Variants in GTF2F1 observed in about 807,000 individuals in gnomAD.
The protein encoded by GTF2F1 is general transcription factor IIF subunit 1.
A neutral mutation model predicts 63.5 loss-of-function variants in GTF2F1; 39 were observed. The observed-to-expected ratio is 0.61, with a 90% CI of 0.48 to 0.80. The LOEUF (loss-of-function observed/expected upper bound fraction) is 0.80, where lower values mean the gene tolerates loss of function less well. GTF2F1 is among the 30% of genes least tolerant of loss of function. The pLI, the probability that GTF2F1 is intolerant of heterozygous loss-of-function variation, is 0.00. For synonymous variants in GTF2F1, 287 were observed against 285.3 expected, an observed-to-expected ratio of 1.01 and a Z score of -0.06; for missense variants, 657 against 718.3, an observed-to-expected ratio of 0.91 and a Z score of 0.97.
intron 6 of GTF2F1, among the ~76,000 whole-genome samples, chr19:6,382,069 C>A (rs2091954528): frequency 6.6e-6 from 1 of 152,098 alleles, no homozygotes; most frequent in African/African-American, 2.4e-5. Flanking sequence ...ACAGACCACT[C>A]CCCCTCTCCC....
At position 6,381,585 on chromosome 19, in the gene GTF2F1, G is replaced by A. The variant is rs2091951755; in HGVS notation, c.867C>T (p.Ala289=). The stretch of plus-strand genomic sequence containing the variant: ...GCCCCTCCTCCTGCTGCGGCGCCTT[G>A]GCCTTGCTCTCAGGCTCTTCTTGGG... ...SSSQEEPESK[A]KAPQQEEGPK... is the part of the protein sequence containing the mutation. The change falls in exon 8 of 13, where the codon GCC becomes GCT. Residue 289 remains alanine (A), a synonymous_variant. Coordinates refer to ENST00000394456, the MANE Select transcript of GTF2F1 (RefSeq NM_002096.3). This position sits in a 1 kb window ranked among gnomAD's most constrained non-coding sequence, Gnocchi z 4.1. 6.2e-7 allele frequency: 1 copy of A among 1,613,574 alleles called. No individual in the cohort carries two copies. Among genetic ancestry groups the A allele is most frequent in the African/African-American group, 1.3e-5 (1 of 74,928 alleles).
At position 6,383,607 on chromosome 19, in the gene GTF2F1, C is replaced by T; in HGVS notation, c.498-112G>A. 8.8e-7 allele frequency: 1 copy of T among 1,141,268 alleles called. No individual in the cohort carries two copies. The highest frequency in any genetic ancestry group is 1.4e-5 in the South Asian group (1 of 71,356). 70.7% of individuals were successfully genotyped at this position (1,141,268 alleles called of 1,614,324 possible). A position where few individuals can be genotyped will look rare whatever the true frequency, so the allele number is the denominator to read the frequency against. On this transcript the variant is annotated intron_variant, in intron 5 of 12. Coordinates refer to ENST00000394456, the MANE Select transcript of GTF2F1 (RefSeq NM_002096.3). This position sits in a 1 kb window ranked among gnomAD's most constrained non-coding sequence, Gnocchi z 4.5. ...CACATAGCCTTCAAGGTGATGTGGC[C>T]CCCGGGGACTTGGGCTGTGGCACAG...
In GTF2F1 at chr19:6,387,540, CCTT is replaced by C; in HGVS notation, c.343_345del (p.Lys115del). ...TAGGACGTGTTCTCTGTTACGCCTC[CCTT>C]CTTGATGCCCTTGAACCTGCAGGGA... On this transcript the variant is annotated inframe_deletion, in exon 5 of 13. Transcript: ENST00000394456. The C allele has an allele frequency of 6.2e-7, 1 of 1,614,194 alleles. No individual in the cohort carries two copies. Among genetic ancestry groups the C allele is most frequent in the Non-Finnish European group, 8.5e-7 (1 of 1,180,016 alleles).
At position 6,383,823 on chromosome 19, in the gene GTF2F1, G is replaced by A. The variant is rs1249035612; in HGVS notation, c.498-328C>T. On this transcript the variant is annotated intron_variant, in intron 5 of 12. Coordinates refer to ENST00000394456, the MANE Select transcript of GTF2F1 (RefSeq NM_002096.3). The surrounding 1 kb of genome is among the most constrained non-coding windows in gnomAD (Gnocchi z 4.5). Reference sequence around the variant, plus strand: ...TTATTTTTTTATTTTCTGAGACAGAGTATCGCTCTGTCGCCCAGACTGGAG... The same window carrying A: ...TTATTTTTTTATTTTCTGAGACAGAATATCGCTCTGTCGCCCAGACTGGAG... 6.6e-6 allele frequency among the ~76,000 whole-genome samples: 1 copy of A among 152,258 alleles called. No homozygotes were observed. Among genetic ancestry groups the A allele is most frequent in the Middle Eastern group, 3.4e-3 (1 of 294 alleles).
rs113448760 is a variant in GTF2F1 at position 6,385,823 on chromosome 19, C to A, written c.497+1566G>T. 4.4e-3 allele frequency among the ~76,000 whole-genome samples: 672 copies of A among 152,280 alleles called. 4 individuals carry two copies. The highest frequency in any genetic ancestry group is 0.015 in the African/African-American group (634 of 41,554). On this transcript the variant is annotated intron_variant, in intron 5 of 12. Coordinates refer to ENST00000394456, the MANE Select transcript of GTF2F1 (RefSeq NM_002096.3). Reference sequence around the variant, plus strand: ...AGCAGGGGCTGGGCATGGTGGCTCACGCCTGTAATCCCAGCACTTTGGGAG... The same window carrying A: ...AGCAGGGGCTGGGCATGGTGGCTCAAGCCTGTAATCCCAGCACTTTGGGAG...
intron 5 of GTF2F1, among the ~76,000 whole-genome samples, chr19:6,385,655 A>G (rs2091971373): frequency 6.6e-6 from 1 of 152,094 alleles, no homozygotes; most frequent in Non-Finnish European, 1.5e-5. Flanking sequence ...AGGGGTACAG[A>G]AACTGCCCCA....
At position 6,387,608 on chromosome 19, in the gene GTF2F1, C is replaced by A. The variant is rs113534430; in HGVS notation, c.327-49G>T. Reference sequence around the variant, plus strand: ...CTGGCCCATAGGGACCAGCCCCAGCCCCCCCGTGTCCCCCCGGGGCCTGCC... The same window carrying A: ...CTGGCCCATAGGGACCAGCCCCAGCACCCCCGTGTCCCCCCGGGGCCTGCC... On this transcript the variant is annotated intron_variant, in intron 4 of 12. Coordinates refer to ENST00000394456, the MANE Select transcript of GTF2F1 (RefSeq NM_002096.3). 111 of 1,299,764 alleles carry A rather than the reference C, an allele frequency of 8.5e-5. 6 individuals are homozygous for A. The highest frequency in any genetic ancestry group is 1.8e-4 in the Middle Eastern group (1 of 5,564). The allele number at this position is 1,299,764 out of a possible 1,614,324, so 80.5% of individuals were successfully genotyped here.
At chr19:6,389,696 C>A (rs764497704) in intron 3 of GTF2F1, 59 bp from the exon 4 acceptor site, 24 of 1,488,190 alleles carry the variant, frequency 1.6e-5, no homozygotes, top group East Asian at 2.3e-5. Flanking sequence ...GCAGTGCCCC[C>A]CTCCAGGAAC....
rs758737041 is a variant in GTF2F1, at chr19:6,383,365, G to A, written c.628C>T (p.Leu210=). The A allele has an allele frequency of 6.2e-7, 1 of 1,614,206 alleles. No individual in the cohort carries two copies. The highest frequency in any genetic ancestry group is 1.7e-5 in the Admixed American group (1 of 60,032). The change falls in exon 6 of 13, where the codon CTG becomes TTG. Residue 210 remains leucine (L), a synonymous_variant. Transcript: ENST00000394456. The surrounding 1 kb of genome is among the most constrained non-coding windows in gnomAD (Gnocchi z 4.5). The part of the protein sequence containing the change: ...RKASELRIHD[L]EDDLEMSSDA... ...GACGACATCTCCAGGTCGTCCTCCA[G>A]GTCGTGGATGCGCAGCTCGCTCGCC...
At chr19:6,392,306 C>G (rs1399043555) in intron 2 of GTF2F1, 5 of 487,310 alleles carry the variant, frequency 1.0e-5, no homozygotes, top group Non-Finnish European at 2.0e-5. Flanking sequence ...TGACCCCAGG[C>G]AGAAGAAGAG....
In GTF2F1 at chr19:6,381,565, T is replaced by G; in HGVS notation, c.887A>C (p.Glu296Ala). The change falls in exon 8 of 13, where the codon GAG (glutamate) becomes GCG (alanine). Residue 296 changes from glutamate (E) to alanine (A), a missense_variant. Coordinates refer to ENST00000394456, the MANE Select transcript of GTF2F1 (RefSeq NM_002096.3). This position sits in a 1 kb window ranked among gnomAD's most constrained non-coding sequence, Gnocchi z 4.1. ...CAGCCATCGCCTACCCTTGGGCCCC[T>G]CCTCCTGCTGCGGCGCCTTGGCCTT... ...ESKAKAPQQE[E>A]GPKGVDEQSD... is the part of the protein sequence containing the mutation. The G allele has an allele frequency of 6.2e-7, 1 of 1,613,320 alleles. No individual in the cohort carries two copies. Among genetic ancestry groups the G allele is most frequent in the Non-Finnish European group, 8.5e-7 (1 of 1,179,984 alleles).
chr19:6,385,723 G>A (rs1401676586), intron 5 of GTF2F1, among the ~76,000 whole-genome samples: 3 of 152,126 alleles, frequency 2.0e-5, no homozygotes, highest in Non-Finnish European at 4.4e-5. Context: ...GCCATTTACC[G>A]GGGTTGCTTT....
chr19:6,380,320 C>A lies in GTF2F1; in HGVS notation c.1515G>T (p.Lys505Asn). Residue 505 changes from lysine to asparagine, a missense_variant, in exon 13 of 13, where the codon AAG becomes AAT. Coordinates refer to ENST00000394456, the MANE Select transcript of GTF2F1 (RefSeq NM_002096.3). This position sits in a 1 kb window ranked among gnomAD's most constrained non-coding sequence, Gnocchi z 5.3. Reference sequence around the variant, plus strand: ...AGAAGTGCATTTTGTCGTTGATCATCTTGCGCTCGGGGTTGAGTCGCTTGA... The same window carrying A: ...AGAAGTGCATTTTGTCGTTGATCATATTGCGCTCGGGGTTGAGTCGCTTGA... Reference protein sequence around the residue: ...QILKRLNPERKMINDKMHFSL... With the variant: ...QILKRLNPERNMINDKMHFSL... 6.2e-7 allele frequency: 1 copy of A among 1,614,160 alleles called. No homozygotes were observed. Among genetic ancestry groups the A allele is most frequent in the South Asian group, 1.1e-5 (1 of 91,088 alleles).
At position 6,383,202 on chromosome 19, in the gene GTF2F1, C is replaced by T. The variant is rs2091960339; in HGVS notation, c.682+109G>A. On this transcript the variant is annotated intron_variant, in intron 6 of 12. Transcript: ENST00000394456. The surrounding 1 kb of genome is among the most constrained non-coding windows in gnomAD (Gnocchi z 4.5). Reference sequence around the variant, plus strand: ...CAGGCGTGAGCCACTGTGCCCGGCCCCACTTGCCTCTCATTCTAGGGCCAC... The same window carrying T: ...CAGGCGTGAGCCACTGTGCCCGGCCTCACTTGCCTCTCATTCTAGGGCCAC... 4.2e-6 allele frequency: 5 copies of T among 1,186,540 alleles called. No individual in the cohort carries two copies. Among genetic ancestry groups the T allele is most frequent in the East Asian group, 4.8e-5 (2 of 41,928 alleles). The allele number at this position is 1,186,540 out of a possible 1,614,324, so 73.5% of individuals were successfully genotyped here.
In GTF2F1 at chr19:6,383,292, C is replaced by G; in HGVS notation, c.682+19G>C. On this transcript the variant is annotated intron_variant, in intron 6 of 12. Coordinates refer to ENST00000394456, the MANE Select transcript of GTF2F1 (RefSeq NM_002096.3). This position sits in a 1 kb window ranked among gnomAD's most constrained non-coding sequence, Gnocchi z 4.5. ...GAGCAGGCACCTCTGTGACCTAATG[C>G]CCAGGCGCCCGTACTCACCCTCCTC... 6.2e-7 allele frequency: 1 copy of G among 1,611,348 alleles called. No homozygotes were observed. Among genetic ancestry groups the G allele is most frequent in the Non-Finnish European group, 8.5e-7 (1 of 1,178,588 alleles).
intron 4 of GTF2F1, among the ~76,000 whole-genome samples, chr19:6,388,348 C>G (rs2091982052): frequency 6.6e-6 from 1 of 152,222 alleles, no homozygotes; most frequent in African/African-American, 2.4e-5. Flanking sequence ...AAGTTCCGGA[C>G]AGTCTGGGTG....
At chr19:6,387,255 C>T in intron 5 of GTF2F1, 134 bp downstream of exon 5, 1 of 794,722 alleles carries the variant, frequency 1.3e-6, no homozygotes, top group Non-Finnish European at 2.0e-6. Context: ...ACTGACAGCT[C>T]TGAGACGGCC....
rs116134821 is a variant in GTF2F1 at position 6,388,941 on chromosome 19, G to C, written c.326+503C>G. On this transcript the variant is annotated intron_variant, in intron 4 of 12. Transcript: ENST00000394456. ...AGCCTGGGCAACGGAGTGAGACCCTGTCTCAAAATAAATAAGTAGGCTGGG... is the reference window on the plus strand; with the variant it reads ...AGCCTGGGCAACGGAGTGAGACCCTCTCTCAAAATAAATAAGTAGGCTGGG... Among the ~76,000 whole-genome samples, 1,198 of 152,172 alleles carry C rather than the reference G, an allele frequency of 7.9e-3. 16 individuals are homozygous for C. The highest frequency in any genetic ancestry group is 0.027 in the African/African-American group (1,134 of 41,532).
In GTF2F1 at chr19:6,389,638, C is replaced by G. The variant is rs2091988757; in HGVS notation, c.133-1G>C. 6 of 1,612,672 alleles carry G rather than the reference C, an allele frequency of 3.7e-6. No individual in the cohort carries two copies. Among genetic ancestry groups the G allele is most frequent in the Non-Finnish European group, 5.1e-6 (6 of 1,179,622 alleles). ...TGCTCAAGTCCCGCTCCAGCCGAGC[C>G]TAGGGGAGCAGGAAGCAAAGCCTCT... is the stretch of plus-strand genomic sequence containing the variant. On this transcript the variant is annotated splice_acceptor_variant, in intron 3 of 12. Coordinates refer to ENST00000394456, the MANE Select transcript of GTF2F1 (RefSeq NM_002096.3). LOFTEE classifies it high-confidence loss of function.
Sources: gnomAD v4.1 joint callset for allele counts (sites outside exome capture counted in the v4.1 genomes callset) on GRCh38, gnomAD v4.1.1 for gene constraint, Gnocchi (gnomAD v3.1) non-coding constraint, MANE v1.5 for transcripts, NCBI Gene and HGNC (gene_info 2026-07-23, HGNC 2026-07-21) for gene names.